Variants in SCIMP observed in about 807,000 individuals in gnomAD.
SCIMP encodes SLP adapter and CSK-interacting membrane protein.
In SCIMP, 18 loss-of-function variants were observed where a neutral mutation model predicts 22.0. The observed-to-expected ratio is 0.82, with a 90% CI of 0.56 to 1.21. The LOEUF (loss-of-function observed/expected upper bound fraction) is 1.21, where lower values mean the gene tolerates loss of function less well. Among genes scored for constraint, SCIMP ranks in the 50% most tolerant of loss-of-function variants. The pLI, the probability that SCIMP is intolerant of heterozygous loss-of-function variation, is 0.00. For synonymous variants in SCIMP, 53 were observed against 62.2 expected, an observed-to-expected ratio of 0.85 and a Z score of 0.70; for missense variants, 155 against 171.2, an observed-to-expected ratio of 0.91 and a Z score of 0.53.
chr17:5,221,683 G>C (rs935065242), intron 2 of SCIMP, among the ~76,000 whole-genome samples: 1 of 152,212 alleles, frequency 6.6e-6, no homozygotes, highest in Non-Finnish European at 1.5e-5. Flanking sequence ...ATAAATTATA[G>C]CCTGCTTGTT....
chr17:5,225,600 A>G (rs1310705183), intron 1 of SCIMP, among the ~76,000 whole-genome samples: 1 of 151,996 alleles, frequency 6.6e-6, no homozygotes, highest in African/African-American at 2.4e-5. Context: ...TTCTCTACTA[A>G]AAATACAAAA....
chr17:5,212,724 G>A (rs1473101754), intron 4 of SCIMP, among the ~76,000 whole-genome samples: 2 of 152,208 alleles, frequency 1.3e-5, no homozygotes, highest in African/African-American at 4.8e-5. Flanking sequence ...TGTGGGACCT[G>A]AAACACAGCG....
chr17:5,212,052 A>C (rs1370002410), intron 4 of SCIMP, among the ~76,000 whole-genome samples: 1 of 152,104 alleles, frequency 6.6e-6, no homozygotes, highest in African/African-American at 2.4e-5. Context: ...TGTCTCAAAA[A>C]AAAAGAAAGA....
At chr17:5,232,760 G>C (rs1597298063) in intron 1 of SCIMP, among the ~76,000 whole-genome samples, 1 of 151,368 alleles carries the variant, frequency 6.6e-6, no homozygotes, top group East Asian at 2.0e-4. Flanking sequence ...ACCCAGGCTA[G>C]ACTCCACTGG....
intron 1 of SCIMP, among the ~76,000 whole-genome samples, chr17:5,232,405 A>ACAGTGCAGTGTAAACAGTG (rs2074708708): frequency 3.0e-5 from 1 of 33,342 alleles, no homozygotes; most frequent in African/African-American, 1.5e-4. Context: ...AACAGTATAA[A>ACAGTGCAGTGTAAACAGTG]CAGTGCAAAC....
At chr17:5,233,519 C>T (rs1348752042) in intron 1 of SCIMP, among the ~76,000 whole-genome samples, 2 of 152,040 alleles carry the variant, frequency 1.3e-5, no homozygotes, top group East Asian at 3.9e-4. Context: ...GCTATAGGCG[C>T]CCACCACCAT....
rs1013196809 is a variant in SCIMP, at chr17:5,210,496, A to G, written c.*305T>C. The G allele has an allele frequency of 7.6e-6, 2 of 263,018 alleles. No homozygotes were observed. Among genetic ancestry groups the G allele is most frequent in the Non-Finnish European group, 1.4e-5 (2 of 139,490 alleles). 16.3% of individuals were successfully genotyped at this position (263,018 alleles called of 1,614,324 possible). On this transcript the variant is annotated 3_prime_UTR_variant, in exon 5 of 5. Transcript: ENST00000574081. ...GGGGAAAGAATGCCAAGAAATGAGT[A>G]GTTTCCCACAGGTGGGAGCCATGGA...
At chr17:5,217,607 C>T (rs1211066057) in intron 3 of SCIMP, among the ~76,000 whole-genome samples, 2 of 137,492 alleles carry the variant, frequency 1.5e-5, no homozygotes, top group Non-Finnish European at 3.1e-5. Flanking sequence ...GTTCCCCTTC[C>T]TGTGTCCATG....
At chr17:5,213,106 A>C in intron 4 of SCIMP, 1 of 976,466 alleles carries the variant, frequency 1.0e-6, no homozygotes, top group Non-Finnish European at 1.2e-6. Context: ...GGAACCAGGC[A>C]GAGTTTTTCT....
intron 1 of SCIMP, among the ~76,000 whole-genome samples, chr17:5,227,655 A>G (rs999444324): frequency 2.0e-5 from 3 of 152,192 alleles, no homozygotes; most frequent in African/African-American, 7.2e-5. Context: ...CAAAGTCAAC[A>G]GTGTGGGGGT....
Position 5,216,388 on chromosome 17 carries a change from C to T in SCIMP, c.210-1390G>A, listed in dbSNP as rs143269244. Among the ~76,000 whole-genome samples, 1,054 of 152,194 alleles carry T rather than the reference C, an allele frequency of 6.9e-3. 18 individuals carry two copies. Among genetic ancestry groups the T allele is most frequent in the African/African-American group, 0.023 (972 of 41,550 alleles). On this transcript the variant is annotated intron_variant, in intron 3 of 4. Transcript: ENST00000574081. ...AGATTGCATAAAAACCAAAAAGCTG[C>T]TGGGCACGGTGGCTCATGCCTGTAA...
At chr17:5,219,950 C>CA in intron 3 of SCIMP, among the ~76,000 whole-genome samples, 1 of 152,164 alleles carries the variant, frequency 6.6e-6, no homozygotes, top group East Asian at 1.9e-4. Context: ...GCAAGCTTTG[C>CA]CTGCTTTCTG....
chr17:5,226,026 G>A (rs540041095), intron 1 of SCIMP, among the ~76,000 whole-genome samples: 9 of 152,270 alleles, frequency 5.9e-5, no homozygotes, highest in East Asian at 3.9e-4. Context: ...GCCCTTTTCT[G>A]TGTTGGTGAT....
chr17:5,232,912 A>G (rs1233328153), intron 1 of SCIMP, among the ~76,000 whole-genome samples: 1 of 151,990 alleles, frequency 6.6e-6, no homozygotes, highest in African/African-American at 2.4e-5. Flanking sequence ...GGGTTTTGCC[A>G]TGTTGGCCTG....
intron 3 of SCIMP, among the ~76,000 whole-genome samples, chr17:5,215,739 C>A (rs1186419992): frequency 6.6e-6 from 1 of 152,164 alleles, no homozygotes; most frequent in Non-Finnish European, 1.5e-5. Context: ...CATCTGTTCA[C>A]CAAAACATGC....
chr17:5,215,727 C>T (rs1313375342), intron 3 of SCIMP, among the ~76,000 whole-genome samples: 1 of 152,144 alleles, frequency 6.6e-6, no homozygotes, highest in East Asian at 1.9e-4. Context: ...TTGAAATGCT[C>T]GCATCTGTTC....
rs1173414962 is a variant in SCIMP at position 5,210,718 on chromosome 17, A to G, written c.*83T>C. ...ACTGGCTTTCAGGGCCCAGAGACCT[A>G]CTGAAGTTCAACCATTCTTGATTGT... On this transcript the variant is annotated 3_prime_UTR_variant, in exon 5 of 5. Transcript: ENST00000574081. 3 of 1,526,456 alleles carry G rather than the reference A, an allele frequency of 2.0e-6. No homozygotes were observed. The highest frequency in any genetic ancestry group is 2.6e-6 in the Non-Finnish European group (3 of 1,138,358). 94.6% of individuals were successfully genotyped at this position (1,526,456 alleles called of 1,614,324 possible).
Position 5,232,378 on chromosome 17 carries a change from A to AAACAGTGCAGTGTAAACAGTGCAGTG in SCIMP, c.21+2356_21+2357insCACTGCACTGTTTACACTGCACTGTT, listed in dbSNP as rs1555615393. Among the ~76,000 whole-genome samples, 9 of 138,670 alleles carry AAACAGTGCAGTGTAAACAGTGCAGTG rather than the reference A, an allele frequency of 6.5e-5. 1 individual carries two copies. The highest frequency in any genetic ancestry group is 2.2e-4 in the African/African-American group (8 of 36,052). The allele number at this position is 138,670 out of a possible 152,430, so 91.0% of individuals were successfully genotyped here. Reference sequence around the variant, plus strand: ...AACAGTGCAGTGTAAACAGTGCAGTATAAACAGTGCAGTATAAACAGTATA... The same window carrying AAACAGTGCAGTGTAAACAGTGCAGTG: ...AACAGTGCAGTGTAAACAGTGCAGTAAACAGTGCAGTGTAAACAGTGCAGTGTAAACAGTGCAGTATAAACAGTATA... On this transcript the variant is annotated intron_variant, in intron 1 of 4. Coordinates refer to ENST00000574081, the MANE Select transcript of SCIMP (RefSeq NM_207103.3).
At chr17:5,215,269 G>C (rs1017968352) in intron 3 of SCIMP, 2 of 339,216 alleles carry the variant, frequency 5.9e-6, no homozygotes, top group Non-Finnish European at 1.1e-5. Context: ...CACCTTCCTG[G>C]TTCACCTGAG....
Sources: gnomAD v4.1 joint callset for allele counts (sites outside exome capture counted in the v4.1 genomes callset) on GRCh38, gnomAD v4.1.1 for gene constraint, MANE v1.5 for transcripts, NCBI Gene and HGNC (gene_info 2026-07-23, HGNC 2026-07-21) for gene names.